NRG1: variants seen among roughly 807,000 people sequenced by gnomAD.
NRG1 encodes the protein pro-neuregulin-1, membrane-bound isoform.
In NRG1, 18 loss-of-function variants were observed where a neutral mutation model predicts 63.8. The ratio of observed to expected loss-of-function variants is 0.28; its 90% CI spans 0.19 to 0.42. The LOEUF is 0.42. NRG1 is among the 10% of genes least tolerant of loss of function. The pLI is 1.00. For missense variants in NRG1, 762 were observed against 814.7 expected, an observed-to-expected ratio of 0.94 and a Z score of 0.79; for synonymous variants, 302 against 301.3, an observed-to-expected ratio of 1.00 and a Z score of -0.02.
At chr8:32,496,769 A>G (rs1827245816) in intron 1 of NRG1, among the ~76,000 whole-genome samples, 1 of 152,192 alleles carries the variant, frequency 6.6e-6, no homozygotes, top group African/African-American at 2.4e-5. Flanking sequence ...TTTAATTCAT[A>G]GGTTAAATTT....
At chr8:31,842,082 T>C (rs1483875039) in intron 1 of NRG1, among the ~76,000 whole-genome samples, 2 of 152,212 alleles carry the variant, frequency 1.3e-5, no homozygotes, top group Non-Finnish European at 2.9e-5. Context: ...TATTCCATAA[T>C]GGGGGCATAG....
At chr8:32,750,956 G>GA (rs1479461434) in intron 7 of NRG1, 1 of 152,070 alleles carries the variant, frequency 6.6e-6, no homozygotes, top group East Asian at 1.9e-4. Flanking sequence ...TGCAGGGAGG[G>GA]AAAAAATTCT....
At chr8:31,763,975 C>A (rs1817806756) in intron 1 of NRG1, among the ~76,000 whole-genome samples, 1 of 138,010 alleles carries the variant, frequency 7.2e-6, no homozygotes, top group Non-Finnish European at 1.5e-5. Flanking sequence ...CACCACACTC[C>A]AGCCTGGGTG....
chr8:31,955,257 A>G (rs1488968245), intron 1 of NRG1, among the ~76,000 whole-genome samples: 1 of 152,244 alleles, frequency 6.6e-6, no homozygotes, highest in African/African-American at 2.4e-5. Context: ...CCACAATAAA[A>G]TAAATAAGTT....
At chr8:31,786,555 C>G (rs987623062) in intron 1 of NRG1, among the ~76,000 whole-genome samples, 1 of 152,182 alleles carries the variant, frequency 6.6e-6, no homozygotes, top group Non-Finnish European at 1.5e-5. Flanking sequence ...ACTGCAGATG[C>G]CAGTCACAAG....
chr8:31,986,469 G>C (rs1664407782), intron 1 of NRG1, among the ~76,000 whole-genome samples: 1 of 152,046 alleles, frequency 6.6e-6, no homozygotes, highest in Admixed American at 6.6e-5. Context: ...CATACAACCG[G>C]TAAAGGGTAG....
Position 31,640,839 on chromosome 8 carries a change from C to T in NRG1, c.37+1408C>T. The T allele has an allele frequency of 7.1e-7, 1 of 1,404,950 alleles. No homozygotes were observed. The highest frequency in any genetic ancestry group is 9.2e-7 in the Non-Finnish European group (1 of 1,082,228). 87.0% of individuals were successfully genotyped at this position (1,404,950 alleles called of 1,614,324 possible). A position where few individuals can be genotyped will look rare whatever the true frequency, so the allele number is the denominator to read the frequency against. Reference sequence around the variant, plus strand: ...CGAGCAAGGCAGAGGCGCTCTGGGTCCCAGTTGTTGGTTTCAGGGTGGTGG... The same window carrying T: ...CGAGCAAGGCAGAGGCGCTCTGGGTTCCAGTTGTTGGTTTCAGGGTGGTGG... On this transcript the variant is annotated intron_variant, in intron 1 of 10. Coordinates refer to the NRG1 transcript ENST00000519301. This position sits in a 1 kb window ranked among gnomAD's most constrained non-coding sequence, Gnocchi z 6.3.
chr8:32,586,220 A>G (rs569733932), intron 1 of NRG1, among the ~76,000 whole-genome samples: 142 of 147,206 alleles, frequency 9.6e-4, no homozygotes, highest in Middle Eastern at 7.1e-3. Context: ...TACTATATAT[A>G]CTATATATAA....
intron 1 of NRG1, among the ~76,000 whole-genome samples, chr8:32,496,869 C>T (rs938507247): frequency 1.4e-4 from 22 of 152,064 alleles, no homozygotes; most frequent in Admixed American, 4.6e-4. Context: ...GCAATACATG[C>T]ATACATCTCA....
intron 1 of NRG1, among the ~76,000 whole-genome samples, chr8:32,108,298 G>C (rs1489826325): frequency 2.0e-5 from 3 of 152,100 alleles, no homozygotes; most frequent in Non-Finnish European, 2.9e-5. Flanking sequence ...ACAGAAATTT[G>C]TTTTCTGTTC....
At chr8:32,274,699 A>G (rs1292681800) in intron 1 of NRG1, among the ~76,000 whole-genome samples, 2 of 152,116 alleles carry the variant, frequency 1.3e-5, no homozygotes, top group African/African-American at 4.8e-5. Context: ...TCCCTATTTT[A>G]ACCCCAATTT....
In NRG1 at chr8:31,640,030, C is replaced by G. The variant is rs1403182625; in HGVS notation, c.37+599C>G. The G allele has an allele frequency of 3.5e-6, 4 of 1,140,508 alleles. No homozygotes were observed. Among genetic ancestry groups the G allele is most frequent in the Non-Finnish European group, 3.2e-6 (3 of 931,398 alleles). 70.6% of individuals were successfully genotyped at this position (1,140,508 alleles called of 1,614,324 possible). A position where few individuals can be genotyped will look rare whatever the true frequency, so the allele number is the denominator to read the frequency against. On this transcript the variant is annotated intron_variant, in intron 1 of 10. Transcript: ENST00000519301. This position sits in a 1 kb window ranked among gnomAD's most constrained non-coding sequence, Gnocchi z 6.3. Reference sequence around the variant, plus strand: ...GCGCCGCTCCGGGCGTCCCGGCCCCCGGGCCCAGCGCCCCGGCTCCGCCGC... The same window carrying G: ...GCGCCGCTCCGGGCGTCCCGGCCCCGGGGCCCAGCGCCCCGGCTCCGCCGC...
At position 31,800,837 on chromosome 8, in the gene NRG1, C is replaced by CTTTTTTTTT. The variant is rs5890598; in HGVS notation, c.37+161419_37+161427dup. ...GATTTAGATTTCTCCAGTCTCCTTT[C>CTTTTTTTTT]TTTTTTTTTTTTTTTTTTTTTGAGA... is the stretch of plus-strand genomic sequence containing the variant. On this transcript the variant is annotated intron_variant, in intron 1 of 10. Transcript: ENST00000519301. Among the ~76,000 whole-genome samples the CTTTTTTTTT allele has an allele frequency of 4.7e-4, 49 of 105,042 alleles. 2 individuals are homozygous for CTTTTTTTTT. Among genetic ancestry groups the CTTTTTTTTT allele is most frequent in the African/African-American group, 1.5e-3 (40 of 26,686 alleles). The allele number at this position is 105,042 out of a possible 152,430, so 68.9% of individuals were successfully genotyped here.
intron 5 of NRG1, among the ~76,000 whole-genome samples, chr8:32,683,887 G>T (rs67024299): frequency 0.48 from 68,257 of 141,780 alleles, 15,718 homozygotes; most frequent in East Asian, 0.52. Flanking sequence ...TTTGCTTCTT[G>T]AAAAAAAAAA....
exon 1 of NRG1, chr8:32,548,814 A>C (rs1316358388): frequency 2.5e-6 from 4 of 1,572,370 alleles, no homozygotes; most frequent in Non-Finnish European, 3.4e-6. Context: ...CGCGGCGGGC[A>C]GCCAGAGCCC....
At chr8:32,175,328 A>G (rs2132050769) in intron 1 of NRG1, among the ~76,000 whole-genome samples, 1 of 152,246 alleles carries the variant, frequency 6.6e-6, no homozygotes. Context: ...GATGGGACAT[A>G]TGTCAAAATA....
At chr8:32,336,607 T>C (rs1803301758) in intron 1 of NRG1, among the ~76,000 whole-genome samples, 1 of 152,086 alleles carries the variant, frequency 6.6e-6, no homozygotes, top group South Asian at 2.1e-4. Flanking sequence ...AGAGTGGACA[T>C]TTTTTTGTTT....
intron 1 of NRG1, among the ~76,000 whole-genome samples, chr8:32,118,623 C>G (rs1833050885): frequency 6.6e-6 from 1 of 152,148 alleles, no homozygotes; most frequent in South Asian, 2.1e-4. Context: ...GGAACTGTTA[C>G]AGGTATTTTG....
At position 31,928,476 on chromosome 8, in the gene NRG1, A is replaced by G. The variant is rs187615806; in HGVS notation, c.37+289045A>G. Among the ~76,000 whole-genome samples the G allele has an allele frequency of 4.5e-4, 68 of 152,066 alleles. No individual in the cohort carries two copies. The Middle Eastern group carries it at 0.014, about 30-fold the overall frequency. ...GAACTAAAGACAGATCAACCATTCT[A>G]TCCGACAATCCCACTACTTGGTATC... On this transcript the variant is annotated intron_variant, in intron 1 of 10. Transcript: ENST00000519301.
Sources: allele counts gnomAD v4.1 joint callset (sites outside exome capture counted in the v4.1 genomes callset), GRCh38; gene constraint gnomAD v4.1.1; non-coding constraint Gnocchi (gnomAD v3.1); transcripts MANE v1.5; gene names NCBI Gene and HGNC (gene_info 2026-07-23, HGNC 2026-07-21).